The following CUBN variants were observed in gnomAD, a reference collection of about 807,000 sequenced individuals.
CUBN encodes the protein cubilin.
A neutral mutation model predicts 405.3 loss-of-function variants in CUBN; 282 were observed. The ratio of observed to expected loss-of-function variants is 0.70; its 90% CI spans 0.63 to 0.77. The LOEUF is 0.77. Among genes scored for constraint, CUBN ranks in the 30% least tolerant of loss-of-function variants. CUBN has a pLI of 0.00. For synonymous variants in CUBN, 1,684 were observed against 1,617.0 expected, an observed-to-expected ratio of 1.04 and a Z score of -0.99; for missense variants, 4,514 against 4,475.2, an observed-to-expected ratio of 1.01 and a Z score of -0.25.
At chr10:17,039,456 G>A (rs552539367) in intron 27 of CUBN, among the ~76,000 whole-genome samples, 4 of 152,136 alleles carry the variant, frequency 2.6e-5, no homozygotes, top group Non-Finnish European at 4.4e-5. Flanking sequence ...ACAGACCTTC[G>A]AGAAGCCCAC....
At chr10:17,027,977 C>T (rs1179560247) in intron 27 of CUBN, among the ~76,000 whole-genome samples, 1 of 152,040 alleles carries the variant, frequency 6.6e-6, no homozygotes, top group Non-Finnish European at 1.5e-5. Flanking sequence ...ATATATACAC[C>T]TATTAATTAC....
chr10:16,941,318 A>C (rs1842645213), intron 36 of CUBN, among the ~76,000 whole-genome samples: 1 of 152,192 alleles, frequency 6.6e-6, no homozygotes, highest in African/African-American at 2.4e-5. Context: ...AGAGGAAAAA[A>C]AGAACCTCTA....
At chr10:17,004,674 C>T (rs201745482) in intron 28 of CUBN, among the ~76,000 whole-genome samples, 4 of 141,146 alleles carry the variant, frequency 2.8e-5, no homozygotes, top group Admixed American at 7.1e-5. Flanking sequence ...CTAAATAGCT[C>T]TTTTTTTTTT....
At chr10:16,973,905 G>A (rs1050628842) in intron 31 of CUBN, among the ~76,000 whole-genome samples, 3 of 152,146 alleles carry the variant, frequency 2.0e-5, no homozygotes, top group African/African-American at 4.8e-5. Flanking sequence ...TGGGCATCTA[G>A]GTTGATTCCA....
At position 16,890,377 on chromosome 10, in the gene CUBN, C is replaced by T. The variant is rs142248018; in HGVS notation, c.8749G>A (p.Val2917Ile). 22 of 1,612,908 alleles carry T rather than the reference C, an allele frequency of 1.4e-5. No individual in the cohort carries two copies. Among genetic ancestry groups the T allele is most frequent in the Non-Finnish European group, 1.9e-5 (22 of 1,180,030 alleles). The change falls in exon 55 of 67, where the codon GTT becomes ATT. Residue 2917 changes from valine to isoleucine, a missense_variant. Around this residue, in one of 5 missense-constraint regions of CUBN, gnomAD observed 1,186 missense variants for 1,186.9 expected, o/e 1.00. Transcript: ENST00000377833. ...GGTTCTTAGGGCTACTTACGGCTAA[C>T]AAAGGACGCGGAGAAGCCCTGAGCT... ...APAQGFSASF[V>I]SRCGSNFTGP...
chr10:16,994,647 T>A (rs1261648139), intron 28 of CUBN, among the ~76,000 whole-genome samples: 1 of 152,234 alleles, frequency 6.6e-6, no homozygotes, highest in East Asian at 1.9e-4. Flanking sequence ...CCAACATCCT[T>A]GTCGTCATCC....
intron 12 of CUBN, among the ~76,000 whole-genome samples, chr10:17,103,564 C>T (rs1293591981): frequency 6.6e-6 from 1 of 152,240 alleles, no homozygotes; most frequent in African/African-American, 2.4e-5. Context: ...TGTATCTGTT[C>T]TCCCATTGGG....
chr10:17,105,349 A>C, intron 11 of CUBN, 108 bp downstream of exon 11: 1 of 795,046 alleles, frequency 1.3e-6, no homozygotes. Flanking sequence ...TCCTTATCTG[A>C]AACTTGACTC....
chr10:17,114,337 G>T, intron 7 of CUBN, 148 bp from the exon 8 acceptor site: 3 of 810,110 alleles, frequency 3.7e-6, no homozygotes, highest in Non-Finnish European at 6.2e-6. Context: ...CTTCCCATAT[G>T]ATTAAGCATT....
chr10:16,990,374 T>A lies in CUBN; in HGVS notation c.4310A>T (p.Asp1437Val). Reference sequence around the variant, plus strand: ...GTTGCACCTTGAATGATACTCCACATCGAAGTCATGGATGGTGAGCTGAAT... The same window carrying A: ...GTTGCACCTTGAATGATACTCCACAACGAAGTCATGGATGGTGAGCTGAAT... ...SSIQLTIHDF[D>V]VEYHSRCNFD... Residue 1437 changes from aspartate (D) to valine (V), a missense_variant, in exon 29 of 67, where the codon GAT (aspartate) becomes GTT (valine). Around this residue, in one of 5 missense-constraint regions of CUBN, gnomAD observed 1,613 missense variants for 1,542.8 expected, o/e 1.05. Coordinates refer to ENST00000377833, the MANE Select transcript of CUBN (RefSeq NM_001081.4). The A allele has an allele frequency of 1.2e-6, 2 of 1,614,130 alleles. No homozygotes were observed. The highest frequency in any genetic ancestry group is 1.7e-6 in the Non-Finnish European group (2 of 1,180,006).
intron 26 of CUBN, among the ~76,000 whole-genome samples, chr10:17,043,341 A>T (rs1835055488): frequency 6.6e-6 from 1 of 152,188 alleles, no homozygotes; most frequent in Non-Finnish European, 1.5e-5. Flanking sequence ...CATGACTCAC[A>T]TGGACCACAG....
intron 50 of CUBN, 140 bp downstream of exon 50, chr10:16,906,063 A>G (rs1841544199): frequency 5.4e-6 from 4 of 734,074 alleles, no homozygotes; most frequent in African/African-American, 3.5e-5. Context: ...GCAGTGAGTT[A>G]TGATCACACC....
chr10:16,932,781 CA>C (rs1842396081), intron 40 of CUBN, among the ~76,000 whole-genome samples: 1 of 152,166 alleles, frequency 6.6e-6, no homozygotes, highest in South Asian at 2.1e-4. Context: ...ATATTTATCT[CA>C]GAGGTATCTC....
At chr10:16,931,796 C>A (rs1564431030) in intron 40 of CUBN, among the ~76,000 whole-genome samples, 1 of 152,162 alleles carries the variant, frequency 6.6e-6, no homozygotes, top group African/African-American at 2.4e-5. Context: ...CTCTCTGCTT[C>A]CAAGAGAAGT....
chr10:16,986,304 C>T (rs1306790269), intron 29 of CUBN, among the ~76,000 whole-genome samples: 1 of 151,682 alleles, frequency 6.6e-6, no homozygotes, highest in Non-Finnish European at 1.5e-5. Context: ...ACACTCTGCC[C>T]CCATTCCTCA....
chr10:16,947,977 G>A (rs536460000), intron 35 of CUBN, among the ~76,000 whole-genome samples: 5 of 152,334 alleles, frequency 3.3e-5, no homozygotes, highest in Admixed American at 6.5e-5. Flanking sequence ...TTGGGAGGCC[G>A]AGGCTGGTGG....
Position 16,899,122 on chromosome 10 carries a change from A to T in CUBN, c.8472T>A (p.Asn2824Lys). 6.2e-7 allele frequency: 1 copy of T among 1,614,040 alleles called. No individual in the cohort carries two copies. Among genetic ancestry groups the T allele is most frequent in the South Asian group, 1.1e-5 (1 of 91,080 alleles). ...GTIRSPHWPQ[N>K]FPENSRCSWT... The stretch of plus-strand genomic sequence containing the variant: ...AGGAACATCTGCTGTTTTCGGGAAA[A>T]TTCTGAGGCCAGTGAGGGGATCTGA... Residue 2824 changes from asparagine to lysine, a missense_variant, in exon 54 of 67, where the codon AAT becomes AAA. By Grantham distance (94) the Asn-to-Lys change is moderately conservative. Transcript: ENST00000377833.
chr10:17,012,686 C>CA (rs1344142132), intron 28 of CUBN, among the ~76,000 whole-genome samples: 1 of 152,172 alleles, frequency 6.6e-6, no homozygotes, highest in East Asian at 1.9e-4. Context: ...TCATTCCATC[C>CA]ATATTAACTT....
chr10:16,925,466 C>T (rs771441040), intron 42 of CUBN, 42 bp from the exon 43 acceptor site: 16 of 1,604,516 alleles, frequency 1.0e-5, no homozygotes, highest in Non-Finnish European at 1.3e-5. Context: ...CTTTACATTG[C>T]AAAAGAAGGA....
Sources: gnomAD v4.1 joint callset for allele counts (sites outside exome capture counted in the v4.1 genomes callset) on GRCh38, gnomAD v4.1.1 for gene constraint, gnomAD v4.1.1 regional missense constraint, MANE v1.5 for transcripts, NCBI Gene and HGNC (gene_info 2026-07-23, HGNC 2026-07-21) for gene names.